The following SRCAP variants were observed in gnomAD, a reference collection of about 807,000 sequenced individuals.
SRCAP encodes chromatin remodeling protein SRCAP.
A neutral mutation model predicts 263.1 loss-of-function variants in SRCAP; 46 were observed. The observed-to-expected ratio is 0.17, with a 90% confidence interval of 0.14 to 0.22. The LOEUF (loss-of-function observed/expected upper bound fraction) is 0.22, where lower values mean the gene tolerates loss of function less well. SRCAP is among the 10% of genes least tolerant of loss of function. The probability of loss-of-function intolerance (pLI) is 1.00; values close to 1 mark genes in which losing one functional copy is unlikely to be tolerated. For synonymous variants in SRCAP, 1,813 were observed against 1,662.1 expected, an observed-to-expected ratio of 1.09 and a Z score of -2.21; for missense variants, 3,695 against 4,181.9, an observed-to-expected ratio of 0.88 and a Z score of 3.21.
rs781249408 is a variant in SRCAP at position 30,724,249 on chromosome 16, C to T, written c.4825C>T (p.Leu1609Phe). Residue 1609 changes from leucine (L) to phenylalanine (F), a missense_variant, in exon 25 of 34, where the codon CTT becomes TTT. Around this residue, in one of 12 missense-constraint regions of SRCAP, gnomAD observed 1,347 missense variants for 1,304.4 expected, o/e 1.03. Coordinates refer to ENST00000262518, the MANE Select transcript of SRCAP (RefSeq NM_006662.3). Reference sequence around the variant, plus strand: ...TTCTCCAGCTCCTCCTCTGGCTCCTCTTCCGGTCCTGGCACCATCGCCAGG... The same window carrying T: ...TTCTCCAGCTCCTCCTCTGGCTCCTTTTCCGGTCCTGGCACCATCGCCAGG... ...APSPAPPLAP[L>F]PVLAPSPGAA... The T allele has an allele frequency of 1.2e-6, 2 of 1,614,008 alleles. No homozygotes were observed. The highest frequency in any genetic ancestry group is 1.7e-6 in the Non-Finnish European group (2 of 1,179,976).
At chr16:30,703,956 C>T (rs192581483) in intron 3 of SRCAP, 108 bp from the exon 4 acceptor site, 35 of 1,340,080 alleles carry the variant, frequency 2.6e-5, no homozygotes, top group Non-Finnish European at 3.6e-5. Context: ...AAGGTTTATA[C>T]CTTACTCTAC....
In SRCAP at chr16:30,704,084, A is replaced by G; in HGVS notation, c.75A>G (p.Thr25=). Reference sequence around the variant, plus strand: ...TCTAGATGGTGTCGGACGGCATGACAGGCAGCAATCCTGTGTCCCCTGCCT... The same window carrying G: ...TCTAGATGGTGTCGGACGGCATGACGGGCAGCAATCCTGTGTCCCCTGCCT... ...LQTQMVSDGM[T]GSNPVSPASS... is the part of the protein sequence containing the mutation. Residue 25 remains threonine (T), a synonymous_variant, in exon 4 of 34, where the codon ACA becomes ACG. Transcript: ENST00000262518. 5 of 1,613,544 alleles carry G rather than the reference A, an allele frequency of 3.1e-6. No individual in the cohort carries two copies. Among genetic ancestry groups the G allele is most frequent in the South Asian group, 1.1e-5 (1 of 90,996 alleles).
intron 13 of SRCAP, 45 bp from the exon 14 acceptor site, chr16:30,712,634 C>T (rs750040396): frequency 1.9e-6 from 3 of 1,612,736 alleles, no homozygotes; most frequent in Non-Finnish European, 2.5e-6. Context: ...ATCAGAACCA[C>T]AGAATTTACA....
At position 30,737,493 on chromosome 16, in the gene SRCAP, C is replaced by T. The variant is rs771036223; in HGVS notation, c.7453C>T (p.Pro2485Ser). 1 of 1,596,336 alleles carries T rather than the reference C, an allele frequency of 6.3e-7. No homozygotes were observed. The highest frequency in any genetic ancestry group is 1.7e-4 in the Middle Eastern group (1 of 6,022). ...TCTCCCTGTCCATATCTTGCCTTCT[C>T]CTCCCCCTCCTTCACAGATTCCTCC... ...TILPVHILPS[P>S]PPPSQIPPCS... is the part of the protein sequence containing the mutation. Residue 2485 changes from proline (P) to serine (S), a missense_variant, in exon 34 of 34, where the codon CCT becomes TCT. Pro to Ser is a moderately conservative substitution (Grantham distance 74, BLOSUM62 -1). Around this residue, in one of 12 missense-constraint regions of SRCAP, gnomAD observed 1,207 missense variants for 1,142.9 expected, o/e 1.06. Coordinates refer to ENST00000262518, the MANE Select transcript of SRCAP (RefSeq NM_006662.3).
chr16:30,713,299 G>T lies in SRCAP; in HGVS notation c.2222G>T (p.Arg741Leu). ...DHQAFRRKNWRYLILDEAQNI... is the reference protein window; with the variant it reads ...DHQAFRRKNWLYLILDEAQNI... ...CAGGCCTTCCGTCGCAAGAACTGGC[G>T]CTATCTCATTCTGGATGAGGCGCAG... Residue 741 changes from arginine to leucine, a missense_variant, in exon 15 of 34, where the codon CGC (arginine) becomes CTC (leucine). Around this residue, in one of 12 missense-constraint regions of SRCAP, gnomAD observed 121 missense variants for 330.7 expected, o/e 0.37. Transcript: ENST00000262518. 1 of 1,614,146 alleles carries T rather than the reference G, an allele frequency of 6.2e-7. No homozygotes were observed. Among genetic ancestry groups the T allele is most frequent in the Non-Finnish European group, 8.5e-7 (1 of 1,180,038 alleles).
chr16:30,737,639 T>TGAG lies in SRCAP; in HGVS notation c.7600_7601insAGG (p.Ser2533_Val2534insGlu), dbSNP rs749555838. On this transcript the variant is annotated inframe_insertion, in exon 34 of 34. Coordinates refer to ENST00000262518, the MANE Select transcript of SRCAP (RefSeq NM_006662.3). ...CTCCTCTCTTGCTTGGTCCACCTTC[T>TGAG]GTGCCCATCTCTGCCTCAGTCACTA... 1.3e-5 allele frequency: 21 copies of TGAG among 1,613,992 alleles called. No homozygotes were observed. The highest frequency in any genetic ancestry group is 1.6e-4 in the Middle Eastern group (1 of 6,084).
chr16:30,725,343 C>A, intron 25 of SRCAP: 1 of 529,574 alleles, frequency 1.9e-6, no homozygotes, highest in Non-Finnish European at 3.1e-6. Flanking sequence ...TTTTAACCCG[C>A]ACGGTAATAA....
rs2052976807 is a variant in SRCAP at position 30,718,545 on chromosome 16, C to T, written c.2818-1617C>T. Among the ~76,000 whole-genome samples, 6 of 150,334 alleles carry T rather than the reference C, an allele frequency of 4.0e-5. No homozygotes were observed. In the South Asian group the frequency reaches 1.3e-3, roughly 31 times the overall value. ...CTGGAGTGCAGTGGTGCGATGTCAG[C>T]TCACTGTAACCTCCACCTCCTGGGT... On this transcript the variant is annotated intron_variant, in intron 18 of 33. Transcript: ENST00000262518.
Position 30,722,624 on chromosome 16 carries a change from TGTGGCCCTCATCCAGGCC to T in SRCAP, c.3776_3793del (p.Leu1259_Ala1264del). Reference sequence around the variant, plus strand: ...ACCATCTCATCAGCCAGCCTGCCCATGTGGCCCTCATCCAGGCCGTGGCCCCGACCCCTGGCCCTACCC... The same window carrying T: ...ACCATCTCATCAGCCAGCCTGCCCATGTGGCCCCGACCCCTGGCCCTACCC... On this transcript the variant is annotated inframe_deletion, in exon 23 of 34. Transcript: ENST00000262518. 6.2e-7 allele frequency: 1 copy of T among 1,614,114 alleles called. No individual in the cohort carries two copies. Among genetic ancestry groups the T allele is most frequent in the East Asian group, 2.2e-5 (1 of 44,866 alleles).
intron 25 of SRCAP, among the ~76,000 whole-genome samples, chr16:30,727,894 C>T (rs2151295906): frequency 6.6e-6 from 1 of 151,962 alleles, no homozygotes; most frequent in South Asian, 2.1e-4. Flanking sequence ...GCCATGTTGC[C>T]CAAACTGGTC....
In SRCAP at chr16:30,707,237, C is replaced by T; in HGVS notation, c.361C>T (p.Leu121=). 1 of 1,614,194 alleles carries T rather than the reference C, an allele frequency of 6.2e-7. No homozygotes were observed. Among genetic ancestry groups the T allele is most frequent in the Non-Finnish European group, 8.5e-7 (1 of 1,180,040 alleles). ...GCTGCGGAAGGAGGGTTTCTGGTCA[C>T]TGAAGAGGCTGCCTAAGGTGCCAGA... ...AELRKEGFWS[L]KRLPKVPEPP... Residue 121 remains leucine, a synonymous_variant, in exon 5 of 34, where the codon CTG becomes TTG. Transcript: ENST00000262518.
In SRCAP at chr16:30,723,917, C is replaced by G. The variant is rs145894151; in HGVS notation, c.4493C>G (p.Ala1498Gly). ...CCTCCCTCCTTGGCACCATCTGGTG[C>G]TTCCCCGTCAGCATCAGCCTTGACT... Reference protein sequence around the residue: ...PGPPSLAPSGASPSASALTLG... With the variant: ...PGPPSLAPSGGSPSASALTLG... Residue 1498 changes from alanine (A) to glycine (G), a missense_variant, in exon 25 of 34, where the codon GCT (alanine) becomes GGT (glycine). Ala to Gly is a moderately conservative substitution (Grantham distance 60, BLOSUM62 0). Coordinates refer to ENST00000262518, the MANE Select transcript of SRCAP (RefSeq NM_006662.3). 3 of 1,614,052 alleles carry G rather than the reference C, an allele frequency of 1.9e-6. No homozygotes were observed. The African/African-American group carries it at 4.0e-5, about 22-fold the overall frequency.
intron 11 of SRCAP, 32 bp downstream of exon 11, chr16:30,711,776 G>T: frequency 6.2e-7 from 1 of 1,610,310 alleles, no homozygotes; most frequent in Non-Finnish European, 8.5e-7. Flanking sequence ...AGGAGCTGGG[G>T]AGGGTGGCCA....
chr16:30,720,351 A>C lies in SRCAP; in HGVS notation c.2987+20A>C. Reference sequence around the variant, plus strand: ...CAACAGGTACAAGGACTAAGGAATGAGGGGATGGTTCCTAGAATAAGTGGC... The same window carrying C: ...CAACAGGTACAAGGACTAAGGAATGCGGGGATGGTTCCTAGAATAAGTGGC... On this transcript the variant is annotated intron_variant, in intron 19 of 33. Coordinates refer to ENST00000262518, the MANE Select transcript of SRCAP (RefSeq NM_006662.3). 1 of 1,598,770 alleles carries C rather than the reference A, an allele frequency of 6.3e-7. No individual in the cohort carries two copies. Among genetic ancestry groups the C allele is most frequent in the South Asian group, 1.1e-5 (1 of 90,374 alleles).
intron 7 of SRCAP, 55 bp from the exon 8 acceptor site, chr16:30,709,796 C>T: frequency 1.1e-5 from 18 of 1,613,244 alleles, no homozygotes; most frequent in Non-Finnish European, 1.5e-5. Flanking sequence ...GCTGAAAAAC[C>T]CACCCTGTGG....
Position 30,737,836 on chromosome 16 carries a change from A to G in SRCAP, c.7796A>G (p.Asn2599Ser). ...AVEILPVSEK[N>S]LSLTPSAPSL... ...GAGATCCTGCCTGTGTCAGAGAAGA[A>G]CCTTTCTCTCACCCCTTCTGCACCC... Residue 2599 changes from asparagine to serine, a missense_variant, in exon 34 of 34, where the codon AAC (asparagine) becomes AGC (serine). Physicochemically the swap from Asn to Ser is conservative, Grantham distance 46. Transcript: ENST00000262518. 1 of 1,613,928 alleles carries G rather than the reference A, an allele frequency of 6.2e-7. No individual in the cohort carries two copies.
At chr16:30,722,515 C>T (rs375652483) in intron 22 of SRCAP, 48 bp from the exon 23 acceptor site, 190 of 1,603,870 alleles carry the variant, frequency 1.2e-4, no homozygotes, top group Non-Finnish European at 3.7e-5. Context: ...CTGCCCTCCT[C>T]AGGCTGATAG....
Position 30,724,088 on chromosome 16 carries a change from T to A in SRCAP, c.4664T>A (p.Leu1555Gln). 6.2e-7 allele frequency: 1 copy of A among 1,613,716 alleles called. No individual in the cohort carries two copies. Among genetic ancestry groups the A allele is most frequent in the Non-Finnish European group, 8.5e-7 (1 of 1,180,020 alleles). ...CCTGTCCTGGTGCCAGCTTCGGCTC[T>A]GGCCAGTCCTTTTCCGTCAGCACCA... Reference protein sequence around the residue: ...CSPVLVPASALASPFPSAPNP... With the variant: ...CSPVLVPASAQASPFPSAPNP... Residue 1555 changes from leucine to glutamine, a missense_variant, in exon 25 of 34, where the codon CTG (leucine) becomes CAG (glutamine). By Grantham distance (113) the Leu-to-Gln change is moderately radical. Transcript: ENST00000262518.
chr16:30,712,754 G>A lies in SRCAP; in HGVS notation c.2069G>A (p.Cys690Tyr). 1 of 1,614,084 alleles carries A rather than the reference G, an allele frequency of 6.2e-7. No individual in the cohort carries two copies. Among genetic ancestry groups the A allele is most frequent in the Non-Finnish European group, 8.5e-7 (1 of 1,180,014 alleles). ...TGGGAGATGGAGTTGAAACGGTGGT[G>A]CCCCAGCTTTAAAATCCTCACTTAC... ...LNWEMELKRW[C>Y]PSFKILTYYG... Residue 690 changes from cysteine (C) to tyrosine (Y), a missense_variant, in exon 14 of 34, where the codon TGC becomes TAC. This residue lies in a region of SRCAP where 121 missense variants were observed against 330.7 expected (regional missense o/e 0.37). Transcript: ENST00000262518.
Sources: gnomAD v4.1 joint callset for allele counts (sites outside exome capture counted in the v4.1 genomes callset) on GRCh38, gnomAD v4.1.1 for gene constraint, gnomAD v4.1.1 regional missense constraint, MANE v1.5 for transcripts, NCBI Gene and HGNC (gene_info 2026-07-23, HGNC 2026-07-21) for gene names.